The following PTPRM variants were observed in gnomAD, a reference collection of about 807,000 sequenced individuals.
The protein encoded by PTPRM is protein tyrosine phosphatase receptor type M.
PTPRM carries 47 observed loss-of-function variants against 186.7 expected under a neutral mutation model. The observed-to-expected ratio is 0.25, with a 90% CI of 0.20 to 0.32. PTPRM has a LOEUF of 0.32. PTPRM is among the 10% of genes least tolerant of loss of function. PTPRM has a pLI of 1.00. For missense variants in PTPRM, 1,494 were observed against 1,865.0 expected (o/e 0.80, Z 3.66); for synonymous variants, 668 against 674.9 (o/e 0.99, Z 0.16).
intron 7 of PTPRM, among the ~76,000 whole-genome samples, chr18:8,052,707 GA>G (rs2087597364): frequency 6.6e-6 from 1 of 152,160 alleles, no homozygotes; most frequent in Admixed American, 6.5e-5. Context: ...TTATGCCTAA[GA>G]ATATAACAGC....
chr18:8,274,001 A>G (rs2094804099), intron 19 of PTPRM, among the ~76,000 whole-genome samples: 1 of 152,134 alleles, frequency 6.6e-6, no homozygotes, highest in African/African-American at 2.4e-5. Context: ...GACCTACTCC[A>G]GTGTGCTTGA....
At chr18:8,250,547 A>C (rs1484302931) in intron 17 of PTPRM, among the ~76,000 whole-genome samples, 4 of 152,102 alleles carry the variant, frequency 2.6e-5, no homozygotes, top group African/African-American at 9.7e-5. Context: ...TGGGAGGCCA[A>C]GGCAGGAAGA....
At chr18:7,870,064 C>T (rs143007814) in intron 2 of PTPRM, among the ~76,000 whole-genome samples, 4 of 152,214 alleles carry the variant, frequency 2.6e-5, no homozygotes, top group East Asian at 1.9e-4. Context: ...GAGATGAAGT[C>T]GGTTTAGAGA....
intron 2 of PTPRM, among the ~76,000 whole-genome samples, chr18:7,848,569 TGA>T (rs2046710621): frequency 6.6e-6 from 1 of 152,024 alleles, no homozygotes; most frequent in Admixed American, 6.6e-5. Context: ...CCCAGGAATT[TGA>T]GACCAGACTG....
chr18:7,576,373 G>A (rs763542011), intron 1 of PTPRM, among the ~76,000 whole-genome samples: 27 of 152,134 alleles, frequency 1.8e-4, no homozygotes, highest in Non-Finnish European at 2.8e-4. Context: ...CTTTTCCCTG[G>A]CTTCTAGCTA....
At chr18:8,032,141 A>C (rs761805745) in intron 7 of PTPRM, among the ~76,000 whole-genome samples, 12 of 152,356 alleles carry the variant, frequency 7.9e-5, no homozygotes, top group Non-Finnish European at 1.6e-4. Flanking sequence ...CAGCAAATAC[A>C]TAGTTACAAA....
intron 4 of PTPRM, among the ~76,000 whole-genome samples, chr18:7,924,379 A>C (rs1464563717): frequency 6.6e-6 from 1 of 152,230 alleles, no homozygotes; most frequent in Non-Finnish European, 1.5e-5. Flanking sequence ...AATTTGTTTA[A>C]ATTTCCTTGA....
At chr18:7,646,997 A>AT (rs979144026) in intron 1 of PTPRM, among the ~76,000 whole-genome samples, 3 of 151,840 alleles carry the variant, frequency 2.0e-5, no homozygotes, top group Admixed American at 6.6e-5. Context: ...ATGCTTTACT[A>AT]TTTTTTGCCA....
intron 1 of PTPRM, among the ~76,000 whole-genome samples, chr18:7,587,723 A>G (rs1308322439): frequency 6.6e-6 from 1 of 152,104 alleles, no homozygotes; most frequent in Non-Finnish European, 1.5e-5. Flanking sequence ...ACATGTTTTA[A>G]ATATATTTAT....
At chr18:8,040,327 C>T (rs2086614332) in intron 7 of PTPRM, among the ~76,000 whole-genome samples, 2 of 152,098 alleles carry the variant, frequency 1.3e-5, no homozygotes, top group Admixed American at 6.6e-5. Flanking sequence ...TTACCCAGGT[C>T]CAGGGGCACT....
intron 19 of PTPRM, among the ~76,000 whole-genome samples, chr18:8,276,104 TG>T (rs753943024): frequency 5.9e-5 from 9 of 152,042 alleles, no homozygotes; most frequent in African/African-American, 1.2e-4. Flanking sequence ...TCCTTTAGGT[TG>T]GTTCCACTAG....
chr18:8,243,611 T>A (rs1227708162), intron 14 of PTPRM, among the ~76,000 whole-genome samples: 2 of 152,238 alleles, frequency 1.3e-5, no homozygotes, highest in African/African-American at 2.4e-5. Context: ...TAGATTCATC[T>A]GTTATTTCAT....
intron 14 of PTPRM, among the ~76,000 whole-genome samples, chr18:8,201,188 C>T (rs1309771524): frequency 6.6e-6 from 1 of 152,048 alleles, no homozygotes; most frequent in East Asian, 1.9e-4. Flanking sequence ...TGGTGGTGCG[C>T]ACCTGTAGCC....
intron 1 of PTPRM, among the ~76,000 whole-genome samples, chr18:7,738,601 AT>A (rs35691659): frequency 9.9e-4 from 140 of 141,622 alleles, no homozygotes; most frequent in Admixed American, 7.6e-4. Flanking sequence ...ACACCCGGCT[AT>A]TTTTTTTTTT....
intron 1 of PTPRM, among the ~76,000 whole-genome samples, chr18:7,658,359 T>TATATATATATACAC (rs1491198247): frequency 7.3e-6 from 1 of 136,666 alleles, no homozygotes; most frequent in African/African-American, 2.9e-5. Context: ...TATATATATA[T>TATATATATATACAC]ACATACACAC....
intron 1 of PTPRM, among the ~76,000 whole-genome samples, chr18:7,642,535 T>G (rs922517706): frequency 1.3e-4 from 20 of 152,186 alleles, no homozygotes; most frequent in African/African-American, 4.8e-4. Context: ...TTTGTCAACT[T>G]AAATCATCTG....
At chr18:8,182,556 G>T (rs571016797) in intron 14 of PTPRM, among the ~76,000 whole-genome samples, 2 of 152,230 alleles carry the variant, frequency 1.3e-5, no homozygotes, top group South Asian at 4.1e-4. Flanking sequence ...ATTACCTAAA[G>T]GACTTTTCAG....
intron 3 of PTPRM, among the ~76,000 whole-genome samples, chr18:7,893,631 A>G (rs923647862): frequency 3.9e-5 from 6 of 152,236 alleles, no homozygotes; most frequent in African/African-American, 1.4e-4. Context: ...TGTTTGTTTA[A>G]TTCCTGAGCA....
chr18:8,240,777 G>GGAGGGAGAGAGAGAGAGAGAGA (rs2094420075), intron 14 of PTPRM, among the ~76,000 whole-genome samples: 6 of 57,300 alleles, frequency 1.0e-4, no homozygotes, highest in East Asian at 7.0e-4. Context: ...AGAGAGAGAG[G>GGAGGGAGAGAGAGAGAGAGAGA]GAGAGAGAGA....
Sources: gnomAD v4.1 joint callset for allele counts (sites outside exome capture counted in the v4.1 genomes callset) on GRCh38, gnomAD v4.1.1 for gene constraint, MANE v1.5 for transcripts, NCBI Gene and HGNC (gene_info 2026-07-23, HGNC 2026-07-21) for gene names.